UACA: variants seen among roughly 807,000 people sequenced by gnomAD.
The protein encoded by UACA is nuclear membrane binding protein.
A neutral mutation model predicts 160.5 loss-of-function variants in UACA; 112 were observed. That is an observed-to-expected ratio of 0.70 (90% confidence interval 0.60 to 0.82). The LOEUF (loss-of-function observed/expected upper bound fraction) is 0.82. Among genes scored for constraint, UACA ranks in the 40% least tolerant of loss-of-function variants. UACA has a pLI of 0.00. For missense variants in UACA, 1,574 were observed against 1,614.6 expected (o/e 0.97, Z 0.43); for synonymous variants, 557 against 568.4 (o/e 0.98, Z 0.29).
At chr15:70,694,621 A>G (rs752395389) in intron 3 of UACA, among the ~76,000 whole-genome samples, 43 of 152,156 alleles carry the variant, frequency 2.8e-4, no homozygotes, top group African/African-American at 9.9e-4. Context: ...TAAATGTTAT[A>G]TACATGTCAG....
chr15:70,763,535 G>T lies in UACA; in HGVS notation c.-128C>A. The stretch of plus-strand genomic sequence containing the variant: ...CCAGCCCCACCTGCCTGCCACCTGC[G>T]GGCCCCGGGCAGCAGACGTCGACAG... On this transcript the variant is annotated 5_prime_UTR_variant, in exon 1 of 19. Coordinates refer to ENST00000322954, the MANE Select transcript of UACA (RefSeq NM_018003.4). 2 of 1,245,254 alleles carry T rather than the reference G, an allele frequency of 1.6e-6. No individual in the cohort carries two copies. The highest frequency in any genetic ancestry group is 2.0e-6 in the Non-Finnish European group (2 of 990,908). 77.1% of individuals were successfully genotyped at this position (1,245,254 alleles called of 1,614,324 possible).
intron 1 of UACA, among the ~76,000 whole-genome samples, chr15:70,715,574 G>A (rs966671581): frequency 6.6e-6 from 1 of 152,180 alleles, no homozygotes; most frequent in Admixed American, 6.5e-5. Flanking sequence ...AAAGCAGAGG[G>A]TTACAGGAAA....
At chr15:70,702,719 T>C (rs1021402434) in intron 1 of UACA, among the ~76,000 whole-genome samples, 6 of 152,228 alleles carry the variant, frequency 3.9e-5, no homozygotes, top group South Asian at 4.1e-4. Context: ...AGTAACACTT[T>C]CAAATTTTCT....
chr15:70,699,923 T>C (rs773014092), intron 1 of UACA, among the ~76,000 whole-genome samples: 4 of 152,088 alleles, frequency 2.6e-5, no homozygotes, highest in Non-Finnish European at 5.9e-5. Context: ...TCTGTCCAGT[T>C]CTCTTTGCCT....
chr15:70,689,368 T>C (rs529212193), intron 5 of UACA, among the ~76,000 whole-genome samples: 16 of 152,292 alleles, frequency 1.1e-4, no homozygotes, highest in African/African-American at 2.9e-4. Flanking sequence ...AAGATTTCAA[T>C]TGGTCAAGTT....
rs1896936620 is a variant in UACA at position 70,667,031 on chromosome 15, A to C, written c.3653T>G (p.Leu1218Ter). The C allele has an allele frequency of 1.2e-6, 2 of 1,613,464 alleles. No homozygotes were observed. Among genetic ancestry groups the C allele is most frequent in the African/African-American group, 1.3e-5 (1 of 74,982 alleles). The change falls in exon 16 of 19, where the codon TTA (leucine) becomes TGA (stop). Residue 1218 changes from leucine to a stop codon, truncating the protein, a stop_gained. Transcript: ENST00000322954. LOFTEE classifies it high-confidence loss of function. Reference sequence around the variant, plus strand: ...CAAGTCAACTACCTCTCTAGTCTCTAATTTTTTTAATGCTTGTTTAGTATT... The same window carrying C: ...CAAGTCAACTACCTCTCTAGTCTCTCATTTTTTTAATGCTTGTTTAGTATT... ...VQNTKQALKK[L>*]ETREVVDLSK...
chr15:70,718,324 ATGTGTGTGTGTGTGTGTG>A (rs59313425), intron 1 of UACA, among the ~76,000 whole-genome samples: 13 of 60,182 alleles, frequency 2.2e-4, no homozygotes, highest in South Asian at 1.0e-3. Flanking sequence ...GAGAGAGAGA[ATGTGTGTGTGTGTGTGTG>A]TGTGTGTGTG....
intron 1 of UACA, among the ~76,000 whole-genome samples, chr15:70,729,746 C>T (rs1899261374): frequency 1.4e-5 from 2 of 142,778 alleles, no homozygotes; most frequent in Admixed American, 6.8e-5. Flanking sequence ...GCATTTCCAT[C>T]TGAGCTTTGA....
chr15:70,707,021 T>A (rs931722914), intron 1 of UACA, among the ~76,000 whole-genome samples: 2 of 152,134 alleles, frequency 1.3e-5, no homozygotes, highest in African/African-American at 4.8e-5. Flanking sequence ...ACCTCACACT[T>A]CCTGATTTCA....
intron 1 of UACA, among the ~76,000 whole-genome samples, chr15:70,727,370 T>C (rs756421325): frequency 6.6e-6 from 1 of 152,174 alleles, no homozygotes; most frequent in Non-Finnish European, 1.5e-5. Flanking sequence ...TCTCATTTTA[T>C]TAAATTAAAA....
At chr15:70,759,616 T>C (rs1161792848) in intron 1 of UACA, among the ~76,000 whole-genome samples, 1 of 152,164 alleles carries the variant, frequency 6.6e-6, no homozygotes, top group Non-Finnish European at 1.5e-5. Flanking sequence ...GATCACGTCA[T>C]TGCACTGCAG....
At chr15:70,754,325 C>G (rs988881180) in intron 1 of UACA, 1 of 310,376 alleles carries the variant, frequency 3.2e-6, no homozygotes, top group East Asian at 9.8e-5. Context: ...ACTTTGAGTA[C>G]CCGTACAACT....
chr15:70,753,399 T>C (rs377556331), intron 1 of UACA, among the ~76,000 whole-genome samples: 8 of 152,210 alleles, frequency 5.3e-5, no homozygotes, highest in African/African-American at 1.4e-4. Flanking sequence ...GGTTTTGGAA[T>C]TTCCCATAAA....
intron 1 of UACA, among the ~76,000 whole-genome samples, chr15:70,699,993 T>C (rs1898285923): frequency 6.6e-6 from 1 of 151,954 alleles, no homozygotes; most frequent in Admixed American, 6.6e-5. Context: ...GGCACTAAAG[T>C]CCCAATCAAC....
chr15:70,725,991 A>G (rs1257040758), intron 1 of UACA, among the ~76,000 whole-genome samples: 1 of 152,182 alleles, frequency 6.6e-6, no homozygotes, highest in Non-Finnish European at 1.5e-5. Context: ...ATATACAAAT[A>G]TAATGTATCC....
At chr15:70,737,167 G>A (rs912288114) in intron 1 of UACA, among the ~76,000 whole-genome samples, 1 of 152,310 alleles carries the variant, frequency 6.6e-6, no homozygotes, top group East Asian at 1.9e-4. Context: ...GGCCATCGGG[G>A]CTGAGTGTTT....
At chr15:70,772,343 AT>A in the UACA span, among the ~76,000 whole-genome samples, 3 of 151,920 alleles carry the variant, frequency 2.0e-5, no homozygotes, top group African/African-American at 7.3e-5. Flanking sequence ...AATACAAAAA[AT>A]TAGCCAGGCG....
chr15:70,655,995 T>G lies in UACA; in HGVS notation c.*1061A>C, dbSNP rs901993360. On this transcript the variant is annotated 3_prime_UTR_variant, in exon 19 of 19. Transcript: ENST00000322954. The stretch of plus-strand genomic sequence containing the variant: ...GCAGTTAATAAAAACGGTTGTTTAC[T>G]TCAGAGTATTTACTATAAACATGTC... The G allele has an allele frequency of 1.3e-5, 2 of 152,228 alleles. No individual in the cohort carries two copies. Among genetic ancestry groups the G allele is most frequent in the Non-Finnish European group, 2.9e-5 (2 of 68,034 alleles). 9.4% of individuals were successfully genotyped at this position (152,228 alleles called of 1,614,324 possible). A position where few individuals can be genotyped will look rare whatever the true frequency, so the allele number is the denominator to read the frequency against.
rs984944897 is a variant in UACA at position 70,667,749 on chromosome 15, CTTGTA to C, written c.2930_2934del (p.Ile977ArgfsTer4). The C allele has an allele frequency of 3.1e-6, 5 of 1,614,030 alleles. No individual in the cohort carries two copies. ...GGGGCGTATTTTACCTTAATGCATT[CTTGTA>C]TTGTGTCGAGCTCCTTCTTCTGGGC... On this transcript the variant is annotated frameshift_variant, in exon 16 of 19. Transcript: ENST00000322954. LOFTEE classifies it high-confidence loss of function.
Sources: gnomAD v4.1 joint callset for allele counts (sites outside exome capture counted in the v4.1 genomes callset) on GRCh38, gnomAD v4.1.1 for gene constraint, MANE v1.5 for transcripts, NCBI Gene and HGNC (gene_info 2026-07-23, HGNC 2026-07-21) for gene names.